Variants in TRAM1 observed in about 807,000 individuals in gnomAD.
The protein encoded by TRAM1 is translocation associated membrane protein 1.
Under a neutral mutation model 48.7 loss-of-function variants are expected in TRAM1, and 17 were observed. The ratio of observed to expected loss-of-function variants is 0.35; its 90% CI spans 0.24 to 0.52. TRAM1 has a LOEUF of 0.52. TRAM1 is among the 20% of genes least tolerant of loss of function. TRAM1 has a pLI of 0.94. For missense variants in TRAM1, 351 were observed against 441.5 expected (o/e 0.79, Z 1.84); for synonymous variants, 182 against 154.0 (o/e 1.18, Z -1.34).
chr8:70,588,668 C>A (rs551081087), intron 6 of TRAM1, among the ~76,000 whole-genome samples: 1 of 152,336 alleles, frequency 6.6e-6, no homozygotes, highest in Admixed American at 6.5e-5. Flanking sequence ...ATTTTACACA[C>A]ACACAAACAC....
At position 70,583,298 on chromosome 8, in the gene TRAM1, A is replaced by G. The variant is rs759963995; in HGVS notation, c.917T>C (p.Val306Ala). Residue 306 changes from valine (V) to alanine (A), a missense_variant, in exon 10 of 11, where the codon GTT (valine) becomes GCT (alanine). Val to Ala is a moderately conservative substitution (Grantham distance 64). Transcript: ENST00000262213. The part of the protein sequence containing the change: ...VRIAVLASIC[V>A]TQAFMMWKFI... ...CTTCCACATCATAAATGCCTGAGTA[A>G]CGCAAATGGATGCCAGAACAGCGAT... The G allele has an allele frequency of 1.9e-6, 3 of 1,613,760 alleles. No homozygotes were observed. In the East Asian group the frequency reaches 6.7e-5, roughly 36 times the overall value.
Position 70,574,850 on chromosome 8 carries a change from A to C in TRAM1, c.*82T>G. The C allele has an allele frequency of 9.8e-7, 1 of 1,022,542 alleles. No individual in the cohort carries two copies. The highest frequency in any genetic ancestry group is 1.4e-5 in the South Asian group (1 of 70,128). 63.3% of individuals were successfully genotyped at this position (1,022,542 alleles called of 1,614,324 possible). On this transcript the variant is annotated 3_prime_UTR_variant, in exon 11 of 11. Transcript: ENST00000262213. ...TCAAAGAGCACAGACTGTATTTTCA[A>C]GAACAGAAAAATCTCTAATGCTGAA...
chr8:70,581,312 C>T lies in TRAM1; in HGVS notation c.1051+1852G>A, dbSNP rs79506145. Among the ~76,000 whole-genome samples the T allele has an allele frequency of 3.6e-3, 545 of 152,308 alleles. 27 individuals carry two copies. The East Asian group carries it at 0.085, about 24-fold the overall frequency. On this transcript the variant is annotated intron_variant, in intron 10 of 10. Transcript: ENST00000262213. ...AATGGGGACTCACATTACCTGCTTT[C>T]AAAACTTACTACAAAGCTACAGTAA...
chr8:70,603,959 C>CTAA (rs1817664612), intron 1 of TRAM1, among the ~76,000 whole-genome samples: 1 of 152,180 alleles, frequency 6.6e-6, no homozygotes, highest in Non-Finnish European at 1.5e-5. Context: ...TCCAGGCCTC[C>CTAA]TAAGCCTCAC....
chr8:70,583,309 T>A lies in TRAM1; in HGVS notation c.906A>T (p.Ala302=). ...TAAATGCCTGAGTAACGCAAATGGA[T>A]GCCAGAACAGCGATTCTAAGAAATA... ...NVLAVRIAVL[A]SICVTQAFMM... is the part of the protein sequence containing the mutation. Residue 302 remains alanine (A), a synonymous_variant, in exon 10 of 11, where the codon GCA becomes GCT. Transcript: ENST00000262213. 6.2e-7 allele frequency: 1 copy of A among 1,613,540 alleles called. No homozygotes were observed. Among genetic ancestry groups the A allele is most frequent in the Non-Finnish European group, 8.5e-7 (1 of 1,179,842 alleles).
intron 6 of TRAM1, among the ~76,000 whole-genome samples, chr8:70,591,250 G>A (rs1360605752): frequency 6.6e-6 from 1 of 152,168 alleles, no homozygotes; most frequent in East Asian, 1.9e-4. Flanking sequence ...AGGACTACAG[G>A]TGTGTGCCAC....
chr8:70,581,282 A>G (rs186252811), intron 10 of TRAM1, among the ~76,000 whole-genome samples: 9 of 152,344 alleles, frequency 5.9e-5, no homozygotes, highest in Admixed American at 5.9e-4. Flanking sequence ...AAATAGAACA[A>G]CAACAATGGG....
intron 10 of TRAM1, among the ~76,000 whole-genome samples, chr8:70,578,372 G>A (rs1361170806): frequency 3.3e-5 from 5 of 152,236 alleles, no homozygotes; most frequent in Admixed American, 6.5e-5. Context: ...GCCTCCCAAA[G>A]TGCTGGGTGC....
At chr8:70,599,703 T>C (rs1817564100) in intron 2 of TRAM1, among the ~76,000 whole-genome samples, 1 of 152,222 alleles carries the variant, frequency 6.6e-6, no homozygotes, top group Non-Finnish European at 1.5e-5. Context: ...ACAATGACAT[T>C]TAAACAATTT....
chr8:70,580,779 A>C (rs914622636), intron 10 of TRAM1, among the ~76,000 whole-genome samples: 1 of 152,194 alleles, frequency 6.6e-6, no homozygotes, highest in Non-Finnish European at 1.5e-5. Flanking sequence ...TGAATAAATA[A>C]ATTCAGCAAG....
chr8:70,583,932 G>T, intron 8 of TRAM1, 139 bp from the exon 9 acceptor site: 1 of 956,632 alleles, frequency 1.0e-6, no homozygotes, highest in Non-Finnish European at 1.5e-6. Flanking sequence ...AGAATTGCTT[G>T]AAACCAGAAG....
At chr8:70,593,896 C>A (rs1817423846) in intron 6 of TRAM1, among the ~76,000 whole-genome samples, 1 of 152,080 alleles carries the variant, frequency 6.6e-6, no homozygotes, top group Non-Finnish European at 1.5e-5. Flanking sequence ...TAGCATGGAA[C>A]CCGACTTCAG....
intron 2 of TRAM1, 152 bp downstream of exon 2, chr8:70,599,867 T>C (rs1817567661): frequency 7.8e-6 from 5 of 644,774 alleles, no homozygotes; most frequent in Non-Finnish European, 1.4e-5. Flanking sequence ...CATCAGATCT[T>C]GTATTATAAA....
chr8:70,586,274 G>A (rs1464118269), intron 8 of TRAM1, among the ~76,000 whole-genome samples: 1 of 25,436 alleles, frequency 3.9e-5, no homozygotes, highest in Non-Finnish European at 1.4e-4. Flanking sequence ...GGACTGTTGT[G>A]GGGTGGGGGA....
chr8:70,597,919 A>G lies in TRAM1; in HGVS notation c.402T>C (p.Val134=). The G allele has an allele frequency of 6.2e-7, 1 of 1,600,124 alleles. No homozygotes were observed. The highest frequency in any genetic ancestry group is 8.5e-7 in the Non-Finnish European group (1 of 1,171,762). ...QLSAFYLFAC[V]WGTFILISEN... is the part of the protein sequence containing the mutation. The stretch of plus-strand genomic sequence containing the variant: ...CAGAGATGAGAATGAATGTGCCCCA[A>G]ACACAGGCAAAAAGGTAGAACGCAC... The change falls in exon 4 of 11, where the codon GTT becomes GTC. Residue 134 remains valine, a synonymous_variant. Coordinates refer to ENST00000262213, the MANE Select transcript of TRAM1 (RefSeq NM_014294.6).
rs777264903 is a variant in TRAM1, at chr8:70,585,041, C to T, written c.747-1248G>A. 3.9e-5 allele frequency among the ~76,000 whole-genome samples: 6 copies of T among 151,982 alleles called. No homozygotes were observed. In the East Asian group the frequency reaches 5.8e-4, roughly 15 times the overall value. ...CTGACTTCAAACTATACTACAAGGCCACAGTAACCAAAACAGCATGGTACT... is the reference window on the plus strand; with the variant it reads ...CTGACTTCAAACTATACTACAAGGCTACAGTAACCAAAACAGCATGGTACT... On this transcript the variant is annotated intron_variant, in intron 8 of 10. Coordinates refer to ENST00000262213, the MANE Select transcript of TRAM1 (RefSeq NM_014294.6).
chr8:70,590,303 A>C (rs904900409), intron 6 of TRAM1, among the ~76,000 whole-genome samples: 6 of 152,204 alleles, frequency 3.9e-5, no homozygotes, highest in African/African-American at 7.2e-5. Context: ...CTTCTCTGAC[A>C]AGACTAAAAA....
At chr8:70,575,896 G>A (rs1008783856) in intron 10 of TRAM1, among the ~76,000 whole-genome samples, 5 of 151,858 alleles carry the variant, frequency 3.3e-5, no homozygotes, top group Non-Finnish European at 7.4e-5. Context: ...GGCCAACGTG[G>A]TGAAATGCCA....
chr8:70,594,915 C>T (rs1489359261), intron 5 of TRAM1, among the ~76,000 whole-genome samples: 2 of 152,116 alleles, frequency 1.3e-5, no homozygotes, highest in African/African-American at 4.8e-5. Context: ...CTACTGAAAA[C>T]ATAACCCACA....
Sources: gnomAD v4.1 joint callset for allele counts (sites outside exome capture counted in the v4.1 genomes callset) on GRCh38, gnomAD v4.1.1 for gene constraint, MANE v1.5 for transcripts, NCBI Gene and HGNC (gene_info 2026-07-23, HGNC 2026-07-21) for gene names.